Variants in CECR2 observed in about 807,000 individuals in gnomAD.
CECR2 encodes CECR2 histone acetyl-lysine reader.
Under a neutral mutation model 154.5 loss-of-function variants are expected in CECR2, and 30 were observed. The observed-to-expected ratio is 0.19, with a 90% CI of 0.15 to 0.26. The LOEUF is 0.26. Ranked by LOEUF, CECR2 falls within the 10% of genes least tolerant of loss-of-function variation. CECR2 has a pLI of 1.00. For synonymous variants in CECR2, 725 were observed against 683.7 expected, an observed-to-expected ratio of 1.06 and a Z score of -0.94; for missense variants, 1,743 against 1,829.3, an observed-to-expected ratio of 0.95 and a Z score of 0.86.
intron 1 of CECR2, among the ~76,000 whole-genome samples, chr22:17,459,290 CTT>C (rs1569095809): frequency 6.6e-6 from 1 of 152,148 alleles, no homozygotes; most frequent in Admixed American, 6.5e-5. Context: ...CTTTCTTCCT[CTT>C]TTCCTTTGCC....
intron 7 of CECR2, among the ~76,000 whole-genome samples, chr22:17,510,925 A>G (rs1024261131): frequency 2.0e-5 from 3 of 152,150 alleles, no homozygotes; most frequent in African/African-American, 7.2e-5. Context: ...AAGCTTTCTA[A>G]AGTTGCTGAC....
At chr22:17,453,926 A>G (rs1269066945) in intron 1 of CECR2, among the ~76,000 whole-genome samples, 1 of 152,224 alleles carries the variant, frequency 6.6e-6, no homozygotes, top group Non-Finnish European at 1.5e-5. Flanking sequence ...AAGCATTTCA[A>G]ACAGCTGGAA....
intron 1 of CECR2, among the ~76,000 whole-genome samples, chr22:17,386,670 T>TG (rs1342637814): frequency 6.6e-6 from 1 of 151,404 alleles, no homozygotes; most frequent in Non-Finnish European, 1.5e-5. Flanking sequence ...TTTTTTTTTT[T>TG]GAGACGGAGT....
intron 2 of CECR2, among the ~76,000 whole-genome samples, chr22:17,481,302 C>A (rs1209222248): frequency 1.5e-5 from 2 of 133,632 alleles, no homozygotes; most frequent in Non-Finnish European, 3.1e-5. Context: ...AAGATCGTGT[C>A]ATTGCACTCC....
At chr22:17,497,329 C>A (rs1334803803) in intron 2 of CECR2, 74 bp from the exon 3 acceptor site, 40 of 1,224,882 alleles carry the variant, frequency 3.3e-5, no homozygotes, top group Non-Finnish European at 4.2e-5. Context: ...ATCATGAGTT[C>A]TCTCTCTCTC....
chr22:17,433,832 T>C (rs187226151), intron 1 of CECR2, among the ~76,000 whole-genome samples: 101 of 152,228 alleles, frequency 6.6e-4, no homozygotes, highest in Middle Eastern at 3.4e-3. Flanking sequence ...TTGGTTCTTT[T>C]AGGGGGAGGT....
At chr22:17,447,555 A>C (rs2401122) in intron 1 of CECR2, among the ~76,000 whole-genome samples, 45,142 of 151,560 alleles carry the variant, frequency 0.3, 9,589 homozygotes, top group African/African-American at 0.57. Context: ...TTCATTCATT[A>C]GTTCATTCAT....
At chr22:17,519,466 G>A (rs2056119065) in intron 8 of CECR2, among the ~76,000 whole-genome samples, 1 of 151,854 alleles carries the variant, frequency 6.6e-6, no homozygotes, top group Non-Finnish European at 1.5e-5. Flanking sequence ...CACCACATTA[G>A]CCAGGAAGGT....
intron 1 of CECR2, among the ~76,000 whole-genome samples, chr22:17,397,655 G>A (rs943659105): frequency 6.6e-5 from 10 of 151,710 alleles, no homozygotes; most frequent in African/African-American, 2.4e-4. Context: ...CCGCCACCAC[G>A]CTCGGCTAAT....
At chr22:17,397,695 C>T (rs2053833150) in intron 1 of CECR2, among the ~76,000 whole-genome samples, 1 of 151,954 alleles carries the variant, frequency 6.6e-6, no homozygotes, top group Admixed American at 6.6e-5. Context: ...AACGGGGTTT[C>T]ACTGTGTTAG....
intron 2 of CECR2, among the ~76,000 whole-genome samples, chr22:17,486,385 G>A (rs767604605): frequency 9.8e-5 from 15 of 152,330 alleles, no homozygotes; most frequent in Admixed American, 5.2e-4. Flanking sequence ...GGTGTAAGGC[G>A]TGGGGCTGGA....
intron 8 of CECR2, among the ~76,000 whole-genome samples, chr22:17,513,083 G>A (rs910152779): frequency 4.6e-5 from 7 of 152,066 alleles, no homozygotes; most frequent in East Asian, 1.9e-4. Flanking sequence ...ACTGTGTTTC[G>A]GCATTTTCAT....
chr22:17,435,684 TAA>T (rs10694414), intron 1 of CECR2, among the ~76,000 whole-genome samples: 11,746 of 90,654 alleles, frequency 0.13, 656 homozygotes, highest in East Asian at 0.3. Context: ...TTTTAATTCT[TAA>T]AAAAAAAAAA....
intron 7 of CECR2, 54 bp from the exon 8 acceptor site, chr22:17,511,759 G>T: frequency 6.6e-7 from 1 of 1,507,414 alleles, no homozygotes; most frequent in Non-Finnish European, 9.2e-7. Flanking sequence ...AGCATCAGTA[G>T]TTGAGAACAC....
intron 1 of CECR2, among the ~76,000 whole-genome samples, chr22:17,443,920 C>T (rs1283883077): frequency 2.6e-5 from 4 of 151,998 alleles, no homozygotes; most frequent in African/African-American, 7.3e-5. Context: ...GTAATTTAGC[C>T]GTACCGTAAA....
At chr22:17,388,375 A>G (rs923841363) in intron 1 of CECR2, among the ~76,000 whole-genome samples, 3 of 152,178 alleles carry the variant, frequency 2.0e-5, no homozygotes, top group South Asian at 2.1e-4. Context: ...TAATTCCCCC[A>G]TGAGGCAGGC....
intron 9 of CECR2, among the ~76,000 whole-genome samples, chr22:17,527,860 A>G (rs1322790032): frequency 6.6e-6 from 1 of 152,210 alleles, no homozygotes; most frequent in East Asian, 1.9e-4. Flanking sequence ...CTATTATGAG[A>G]TATCATCTTA....
chr22:17,484,844 C>T (rs2055392408), intron 2 of CECR2, among the ~76,000 whole-genome samples: 1 of 152,182 alleles, frequency 6.6e-6, no homozygotes, highest in Non-Finnish European at 1.5e-5. Flanking sequence ...TGCCACAGCA[C>T]TCCAGCCTCT....
At chr22:17,369,355 TG>T (rs1237239815), upstream of CECR2, 3 of 147,352 alleles carry the variant, frequency 2.0e-5, no homozygotes, top group African/African-American at 7.5e-5. Context: ...CGGGCGGGGG[TG>T]GGGCGGGGGC....
Sources: allele counts gnomAD v4.1 joint callset (sites outside exome capture counted in the v4.1 genomes callset), GRCh38; gene constraint gnomAD v4.1.1; transcripts MANE v1.5; gene names NCBI Gene and HGNC (gene_info 2026-07-23, HGNC 2026-07-21).